The following OPCML variants were observed in gnomAD, a reference collection of about 807,000 sequenced individuals.
OPCML encodes opioid binding protein/cell adhesion molecule like.
A neutral mutation model predicts 37.8 loss-of-function variants in OPCML; 13 were observed. The observed-to-expected ratio is 0.34, with a 90% CI of 0.22 to 0.55. The LOEUF (loss-of-function observed/expected upper bound fraction) is 0.55. OPCML is among the 20% of genes least tolerant of loss of function. The probability of loss-of-function intolerance (pLI) is 0.91; values close to 1 mark genes in which losing one functional copy is unlikely to be tolerated. For synonymous variants in OPCML, 176 were observed against 168.8 expected (o/e 1.04, Z -0.33); for missense variants, 341 against 435.6 (o/e 0.78, Z 1.93).
chr11:132,872,454 G>A (rs1942841263), intron 2 of OPCML, among the ~76,000 whole-genome samples: 1 of 151,978 alleles, frequency 6.6e-6, no homozygotes, highest in South Asian at 2.1e-4. Context: ...GTGTGCAGGC[G>A]ACAACAGGGC....
intron 2 of OPCML, among the ~76,000 whole-genome samples, chr11:132,941,295 T>C (rs1327729247): frequency 1.3e-5 from 2 of 152,156 alleles, no homozygotes; most frequent in Non-Finnish European, 1.5e-5. Context: ...TTGAAGTTTC[T>C]GGTTTAATTT....
chr11:133,262,797 G>A (rs1941534664), intron 1 of OPCML, among the ~76,000 whole-genome samples: 1 of 151,976 alleles, frequency 6.6e-6, no homozygotes, highest in Non-Finnish European at 1.5e-5. Context: ...TGACGGTGGA[G>A]TCCCCAGGAA....
chr11:133,079,565 G>T (rs1948676218), intron 1 of OPCML, among the ~76,000 whole-genome samples: 1 of 152,018 alleles, frequency 6.6e-6, no homozygotes, highest in African/African-American at 2.4e-5. Flanking sequence ...CTTGTTCTGG[G>T]GTGACAAAAA....
chr11:133,349,730 G>A (rs1262903970), intron 1 of OPCML, among the ~76,000 whole-genome samples: 1 of 152,160 alleles, frequency 6.6e-6, no homozygotes, highest in Non-Finnish European at 1.5e-5. Context: ...GATGAGGTGT[G>A]AGACAGGAAG....
chr11:133,173,746 A>G lies in OPCML; in HGVS notation c.62-230736T>C, dbSNP rs1412665432. Among the ~76,000 whole-genome samples the G allele has an allele frequency of 6.6e-6, 1 of 152,262 alleles. No individual in the cohort carries two copies. The highest frequency in any genetic ancestry group is 1.5e-5 in the Non-Finnish European group (1 of 68,052). On this transcript the variant is annotated intron_variant, in intron 1 of 7. Transcript: ENST00000524381. This position sits in a 1 kb window ranked among gnomAD's most constrained non-coding sequence, Gnocchi z 7.8. ...GCAGTTTAAGAATCTCTAAGAATGC[A>G]TAAGTAAAGAAAAAATAGAATTACG...
chr11:133,015,444 G>T (rs1207866966), intron 1 of OPCML, among the ~76,000 whole-genome samples: 4 of 144,166 alleles, frequency 2.8e-5, no homozygotes, highest in Non-Finnish European at 6.2e-5. Flanking sequence ...AGGAAGGAAG[G>T]AAGGAAGGAA....
At chr11:133,055,829 C>T (rs962000791) in intron 1 of OPCML, among the ~76,000 whole-genome samples, 1 of 151,146 alleles carries the variant, frequency 6.6e-6, no homozygotes, top group African/African-American at 2.4e-5. Context: ...GGTGAGACTC[C>T]ATGAGGGAGC....
Position 132,838,934 on chromosome 11 carries a change from T to G in OPCML, c.146+103992A>C, listed in dbSNP as rs141510530. Among the ~76,000 whole-genome samples the G allele has an allele frequency of 5.5e-3, 832 of 151,744 alleles. 11 individuals are homozygous for G. Among genetic ancestry groups the G allele is most frequent in the African/African-American group, 0.019 (793 of 41,326 alleles). ...TTGTTAATTTGTGGCAGGAAGGAGG[T>G]CCTTAAGAATTTGTTCTAGAACATT... On this transcript the variant is annotated intron_variant, in intron 2 of 7. Coordinates refer to ENST00000524381, the MANE Select transcript of OPCML (RefSeq NM_001012393.5).
At chr11:133,149,191 G>A (rs1949939662) in intron 1 of OPCML, among the ~76,000 whole-genome samples, 1 of 152,206 alleles carries the variant, frequency 6.6e-6, no homozygotes, top group Non-Finnish European at 1.5e-5. Context: ...TTTGTGGTTT[G>A]TTCGTCCTAA....
intron 1 of OPCML, among the ~76,000 whole-genome samples, chr11:133,293,212 C>T (rs1303117897): frequency 6.6e-6 from 1 of 151,702 alleles, no homozygotes; most frequent in South Asian, 2.1e-4. Context: ...ATGCAAAGGA[C>T]AGTCACGGCA....
chr11:133,327,203 G>C (rs535249607), intron 1 of OPCML, among the ~76,000 whole-genome samples: 1 of 150,578 alleles, frequency 6.6e-6, no homozygotes, highest in East Asian at 2.0e-4. Flanking sequence ...GTGTGTATGA[G>C]GGGGTATGTG....
chr11:132,725,905 C>T (rs918028499), intron 2 of OPCML, among the ~76,000 whole-genome samples: 2 of 152,084 alleles, frequency 1.3e-5, no homozygotes, highest in African/African-American at 4.8e-5. Context: ...TAAAACATAA[C>T]AAGAGTTACC....
intron 4 of OPCML, among the ~76,000 whole-genome samples, chr11:132,525,573 T>C (rs1236860563): frequency 6.6e-6 from 1 of 152,244 alleles, no homozygotes; most frequent in African/African-American, 2.4e-5. Flanking sequence ...TTATTGAATG[T>C]ACTTCTAATC....
At position 132,418,147 on chromosome 11, in the gene OPCML, A is replaced by C. The variant is rs892954222; in HGVS notation, c.*2046T>G. On this transcript the variant is annotated 3_prime_UTR_variant, in exon 8 of 8. Coordinates refer to ENST00000524381, the MANE Select transcript of OPCML (RefSeq NM_001012393.5). ...AAAACAAAGAGGACACTGATACCAG[A>C]GGAAGAAGACCAGTTAAGCATTAAG... The C allele has an allele frequency of 6.6e-6, 1 of 152,228 alleles. No homozygotes were observed. 9.4% of individuals were successfully genotyped at this position (152,228 alleles called of 1,614,324 possible). A position where few individuals can be genotyped will look rare whatever the true frequency, so the allele number is the denominator to read the frequency against.
At chr11:132,923,092 A>AAATAAATAAATAATAAT (rs151184353) in intron 2 of OPCML, among the ~76,000 whole-genome samples, 1 of 148,604 alleles carries the variant, frequency 6.7e-6, no homozygotes, top group African/African-American at 2.5e-5. Flanking sequence ...ATAAATAAAT[A>AAATAAATAAATAATAAT]AATAATAATA....
intron 1 of OPCML, among the ~76,000 whole-genome samples, chr11:133,382,125 G>A (rs1484075951): frequency 6.6e-6 from 1 of 152,218 alleles, no homozygotes; most frequent in Non-Finnish European, 1.5e-5. Flanking sequence ...GGGATGGAAG[G>A]TGGTGTTATT....
At chr11:133,078,778 AT>A (rs1304047999) in intron 1 of OPCML, among the ~76,000 whole-genome samples, 2 of 152,134 alleles carry the variant, frequency 1.3e-5, no homozygotes, top group African/African-American at 4.8e-5. Flanking sequence ...GTGCCCGTGT[AT>A]TTTAAGAATC....
At chr11:132,555,331 C>T (rs1270367409) in intron 3 of OPCML, among the ~76,000 whole-genome samples, 3 of 151,982 alleles carry the variant, frequency 2.0e-5, no homozygotes, top group Non-Finnish European at 4.4e-5. Flanking sequence ...TACACGGCAG[C>T]AGGTGAGAGA....
intron 2 of OPCML, among the ~76,000 whole-genome samples, chr11:132,847,769 T>A (rs1941617761): frequency 6.6e-6 from 1 of 152,224 alleles, no homozygotes; most frequent in African/African-American, 2.4e-5. Flanking sequence ...AGTATTGATT[T>A]TTCTCCTTTC....
Sources: gnomAD v4.1 joint callset for allele counts (sites outside exome capture counted in the v4.1 genomes callset) on GRCh38, gnomAD v4.1.1 for gene constraint, Gnocchi (gnomAD v3.1) non-coding constraint, MANE v1.5 for transcripts, NCBI Gene and HGNC (gene_info 2026-07-23, HGNC 2026-07-21) for gene names.